SLC5A11: variants seen among roughly 807,000 people sequenced by gnomAD.
SLC5A11 encodes the protein solute carrier family 5 member 11.
A neutral mutation model predicts 69.8 loss-of-function variants in SLC5A11; 48 were observed. The ratio of observed to expected loss-of-function variants is 0.69; its 90% CI spans 0.55 to 0.87. The LOEUF (loss-of-function observed/expected upper bound fraction) is 0.87. Among genes scored for constraint, SLC5A11 ranks in the 40% least tolerant of loss-of-function variants. SLC5A11 has a pLI of 0.00. For missense variants in SLC5A11, 784 were observed against 866.1 expected, an observed-to-expected ratio of 0.91 and a Z score of 1.19; for synonymous variants, 319 against 342.4, an observed-to-expected ratio of 0.93 and a Z score of 0.75.
chr16:24,897,862 C>T, intron 9 of SLC5A11, 112 bp from the exon 11 acceptor site: 1 of 1,389,622 alleles, frequency 7.2e-7, no homozygotes, highest in Non-Finnish European at 9.9e-7. Flanking sequence ...CACTGACTCC[C>T]TCCCACAACA....
chr16:24,863,031 A>G, intron 3 of SLC5A11, among the ~76,000 whole-genome samples: 1 of 131,394 alleles, frequency 7.6e-6, no homozygotes, highest in East Asian at 2.0e-4. Context: ...ATAATATATA[A>G]TTTATATATT....
rs771556504 is a variant in SLC5A11 at position 24,910,489 on chromosome 16, C to T, written c.1822+12C>T. The T allele has an allele frequency of 1.2e-6, 2 of 1,613,258 alleles. No homozygotes were observed. Among genetic ancestry groups the T allele is most frequent in the South Asian group, 1.1e-5 (1 of 91,000 alleles). ...TAAAACCCACAGCTGTGAGTAGCTTCTCTCCTCAGTTACAGCAAGAAGGAG... is the reference window on the plus strand; with the variant it reads ...TAAAACCCACAGCTGTGAGTAGCTTTTCTCCTCAGTTACAGCAAGAAGGAG... On this transcript the variant is annotated intron_variant, in intron 15 of 15. Coordinates refer to ENST00000347898, the Ensembl canonical transcript of SLC5A11.
chr16:24,898,095 G>A (rs764495479), exon 10 of SLC5A11: 66 of 1,613,702 alleles, frequency 4.1e-5, no homozygotes, highest in African/African-American at 5.3e-5. Flanking sequence ...ATGGTCAGCC[G>A]CATCCTCTTC....
chr16:24,870,429 A>C (rs1043528522), intron 4 of SLC5A11, among the ~76,000 whole-genome samples: 1 of 127,432 alleles, frequency 7.8e-6, no homozygotes, highest in African/African-American at 2.8e-5. Context: ...ACAAAACAAA[A>C]AAAACAAAAA....
At chr16:24,904,771 A>C (rs1304558855) in intron 10 of SLC5A11, among the ~76,000 whole-genome samples, 2 of 152,128 alleles carry the variant, frequency 1.3e-5, no homozygotes, top group Non-Finnish European at 2.9e-5. Flanking sequence ...AATGGCACAT[A>C]TTTTTATTTT....
At chr16:24,899,566 G>T (rs1170594655) in intron 10 of SLC5A11, among the ~76,000 whole-genome samples, 1 of 152,076 alleles carries the variant, frequency 6.6e-6, no homozygotes, top group African/African-American at 2.4e-5. Context: ...ACCATGCCCG[G>T]CTAATTTTTG....
chr16:24,862,632 A>T, exon 3 of SLC5A11: 1 of 1,613,698 alleles, frequency 6.2e-7, no homozygotes, highest in Non-Finnish European at 8.5e-7. Context: ...GACACAGTGA[A>T]AGGCTACTTC....
intron 7 of SLC5A11, among the ~76,000 whole-genome samples, chr16:24,879,594 G>A (rs1311214052): frequency 1.3e-5 from 2 of 152,112 alleles, no homozygotes; most frequent in South Asian, 2.1e-4. Context: ...AAAATTAGCA[G>A]AGTGTGGTGG....
chr16:24,890,484 A>C (rs1328650125), intron 8 of SLC5A11, among the ~76,000 whole-genome samples: 1 of 76,236 alleles, frequency 1.3e-5, no homozygotes, highest in Non-Finnish European at 2.3e-5. Context: ...ACTTCATATC[A>C]AAAAAAAAAA....
At chr16:24,877,495 T>C (rs1270135510) in intron 7 of SLC5A11, 132 bp downstream of exon 8, 1 of 611,222 alleles carries the variant, frequency 1.6e-6, no homozygotes, top group Non-Finnish European at 2.8e-6. Flanking sequence ...GTCACTCCTT[T>C]ACCCTAGATA....
At chr16:24,890,889 A>T in exon 9 of SLC5A11, 2 of 1,614,026 alleles carry the variant, frequency 1.2e-6, no homozygotes, top group South Asian at 1.1e-5. Context: ...GGTTGGTGGG[A>T]TGGAAGGACT....
At chr16:24,860,130 A>T (rs1665956680) in intron 2 of SLC5A11, among the ~76,000 whole-genome samples, 1 of 152,218 alleles carries the variant, frequency 6.6e-6, no homozygotes. Context: ...TATTAAAAAT[A>T]CAAAAAATTA....
At chr16:24,894,626 C>T (rs1351385062) in intron 9 of SLC5A11, among the ~76,000 whole-genome samples, 1 of 151,532 alleles carries the variant, frequency 6.6e-6, no homozygotes, top group Non-Finnish European at 1.5e-5. Flanking sequence ...ACAGTGAAAC[C>T]CCGTCTCTAC....
intron 7 of SLC5A11, among the ~76,000 whole-genome samples, chr16:24,881,183 G>A (rs542244965): frequency 6.6e-6 from 1 of 151,148 alleles, no homozygotes; most frequent in Non-Finnish European, 1.5e-5. Flanking sequence ...TCCAGCCTGG[G>A]CAACAGAGCG....
At chr16:24,877,401 T>C (rs766882810) in intron 7 of SLC5A11, 38 bp downstream of exon 8, 2 of 1,532,712 alleles carry the variant, frequency 1.3e-6, no homozygotes, top group South Asian at 2.3e-5. Context: ...GCAGAGGCAG[T>C]GGGCAGGGGC....
chr16:24,874,167 A>G (rs2047515733), intron 5 of SLC5A11, among the ~76,000 whole-genome samples: 1 of 152,096 alleles, frequency 6.6e-6, no homozygotes, highest in South Asian at 2.1e-4. Flanking sequence ...TGATGTGTTA[A>G]TTTTCATTGC....
intron 1 of SLC5A11, among the ~76,000 whole-genome samples, chr16:24,851,146 T>C (rs2059287341): frequency 6.6e-6 from 1 of 151,878 alleles, no homozygotes; most frequent in Middle Eastern, 3.4e-3. Context: ...TTTTATTGTT[T>C]TTAGAGATAG....
At chr16:24,878,060 G>A (rs895258274) in intron 7 of SLC5A11, among the ~76,000 whole-genome samples, 1 of 152,202 alleles carries the variant, frequency 6.6e-6, no homozygotes, top group African/African-American at 2.4e-5. Flanking sequence ...GGCTGAGGCA[G>A]GAGAATCGCT....
chr16:24,908,998 A>G, exon 14 of SLC5A11: 1 of 1,614,082 alleles, frequency 6.2e-7, no homozygotes, highest in Non-Finnish European at 8.5e-7. Context: ...CCTGGTGAAG[A>G]GCATTCACTA....
Sources: gnomAD v4.1 joint callset for allele counts (sites outside exome capture counted in the v4.1 genomes callset) on GRCh38, gnomAD v4.1.1 for gene constraint, MANE v1.5 for transcripts, NCBI Gene and HGNC (gene_info 2026-07-23, HGNC 2026-07-21) for gene names.